The following JMY variants were observed in gnomAD, a reference collection of about 807,000 sequenced individuals.
JMY encodes junction mediating and regulatory protein, p53 cofactor, also known as junction-mediating and -regulatory protein.
Under a neutral mutation model 103.3 loss-of-function variants are expected in JMY, and 46 were observed. The ratio of observed to expected loss-of-function variants is 0.45; its 90% CI spans 0.35 to 0.57. The LOEUF (loss-of-function observed/expected upper bound fraction) is 0.57, where lower values mean the gene tolerates loss of function less well. JMY is among the 20% of genes least tolerant of loss of function. JMY has a pLI of 0.00. For synonymous variants in JMY, 526 were observed against 489.3 expected, an observed-to-expected ratio of 1.07 and a Z score of -0.99; for missense variants, 1,238 against 1,255.2, an observed-to-expected ratio of 0.99 and a Z score of 0.21.
In JMY at chr5:79,300,883, G is replaced by T. The variant is rs1746714929; in HGVS notation, c.1881+20G>T. On this transcript the variant is annotated intron_variant, in intron 6 of 10. Coordinates refer to ENST00000396137, the MANE Select transcript of JMY (RefSeq NM_152405.5). Reference sequence around the variant, plus strand: ...AAAAAGGTATTTAAATATTGCTTTTGTTCATTATTTAGTCTTTTATCCGTA... The same window carrying T: ...AAAAAGGTATTTAAATATTGCTTTTTTTCATTATTTAGTCTTTTATCCGTA... 6.4e-7 allele frequency: 1 copy of T among 1,559,726 alleles called. No individual in the cohort carries two copies. The highest frequency in any genetic ancestry group is 2.0e-5 in the Admixed American group (1 of 50,066).
Position 79,321,766 on chromosome 5 carries a change from A to C in JMY, c.*164A>C, listed in dbSNP as rs902717291. On this transcript the variant is annotated 3_prime_UTR_variant, in exon 11 of 11. Coordinates refer to ENST00000396137, the MANE Select transcript of JMY (RefSeq NM_152405.5). ...CACAATTGGCAGGTTATCACTTTCC[A>C]GTCGTTCCAATAGATGATGGTTAAC... 2.6e-5 allele frequency: 4 copies of C among 152,226 alleles called. No individual in the cohort carries two copies. The highest frequency in any genetic ancestry group is 2.9e-5 in the Non-Finnish European group (2 of 68,042). 9.4% of individuals were successfully genotyped at this position (152,226 alleles called of 1,614,324 possible).
intron 10 of JMY, among the ~76,000 whole-genome samples, chr5:79,321,280 T>G (rs1747440555): frequency 1.3e-5 from 2 of 152,234 alleles, no homozygotes; most frequent in African/African-American, 4.8e-5. Flanking sequence ...CAAAAACAGT[T>G]TCTACTGCAT....
chr5:79,249,363 T>C (rs1561288903), intron 1 of JMY, among the ~76,000 whole-genome samples: 1 of 152,146 alleles, frequency 6.6e-6, no homozygotes, highest in Non-Finnish European at 1.5e-5. Context: ...CACTTGAAAA[T>C]TTCATGGGAA....
At chr5:79,276,676 G>A (rs1347003182) in intron 1 of JMY, among the ~76,000 whole-genome samples, 2 of 151,876 alleles carry the variant, frequency 1.3e-5, no homozygotes, top group African/African-American at 2.4e-5. Flanking sequence ...GCGTGATCTC[G>A]GCTCACTGCA....
intron 4 of JMY, among the ~76,000 whole-genome samples, chr5:79,296,586 T>C (rs974337571): frequency 9.2e-5 from 14 of 152,136 alleles, no homozygotes; most frequent in Middle Eastern, 3.2e-3. Flanking sequence ...GGACTCAGAG[T>C]CCCTACTGTC....
chr5:79,265,632 C>G (rs1745564264), intron 1 of JMY, among the ~76,000 whole-genome samples: 5 of 152,146 alleles, frequency 3.3e-5, no homozygotes, highest in Admixed American at 3.3e-4. Context: ...TTTTCCCCCA[C>G]TCTGTAGATG....
At chr5:79,237,820 C>G in intron 1 of JMY, 138 bp downstream of exon 1, 2 of 697,524 alleles carry the variant, frequency 2.9e-6, no homozygotes, top group Non-Finnish European at 4.7e-6. Flanking sequence ...AGAGGGGTTC[C>G]TGATCTACCT....
At chr5:79,317,698 A>C (rs1580376408) in intron 10 of JMY, among the ~76,000 whole-genome samples, 1 of 152,168 alleles carries the variant, frequency 6.6e-6, no homozygotes, top group African/African-American at 2.4e-5. Context: ...ATTTTTGTTG[A>C]ATTTCTTTTT....
At chr5:79,283,180 G>A (rs934286742) in intron 2 of JMY, among the ~76,000 whole-genome samples, 4 of 151,686 alleles carry the variant, frequency 2.6e-5, no homozygotes, top group Non-Finnish European at 5.9e-5. Flanking sequence ...TTTAGTAGAG[G>A]GGGGTTTCCT....
chr5:79,273,282 A>G (rs1745839268), intron 1 of JMY, among the ~76,000 whole-genome samples: 1 of 152,082 alleles, frequency 6.6e-6, no homozygotes, highest in South Asian at 2.1e-4. Context: ...TTCTTTGTTC[A>G]GGAGGGATAT....
In JMY at chr5:79,323,063, C is replaced by T. The variant is rs552679405; in HGVS notation, c.*1461C>T. 2 of 152,190 alleles carry T rather than the reference C, an allele frequency of 1.3e-5. No individual in the cohort carries two copies. The highest frequency in any genetic ancestry group is 4.8e-5 in the African/African-American group (2 of 41,530). 9.4% of individuals were successfully genotyped at this position (152,190 alleles called of 1,614,324 possible). ...TCTGGCAACAGGTTATGTAAGACAA[C>T]AACTTTTTTTATTATTTCAAAACAA... On this transcript the variant is annotated 3_prime_UTR_variant, in exon 11 of 11. Transcript: ENST00000396137.
rs545942408 is a variant in JMY at position 79,236,655 on chromosome 5, C to G, written c.5C>G (p.Ser2Trp). 3.5e-5 allele frequency: 49 copies of G among 1,417,136 alleles called. No homozygotes were observed. The highest frequency in any genetic ancestry group is 3.8e-5 in the Non-Finnish European group (41 of 1,072,502). The allele number at this position is 1,417,136 out of a possible 1,614,324, so 87.8% of individuals were successfully genotyped here. A position where few individuals can be genotyped will look rare whatever the true frequency, so the allele number is the denominator to read the frequency against. Residue 2 changes from serine to tryptophan, a missense_variant, in exon 1 of 11, where the codon TCG becomes TGG. By Grantham distance (177) the Ser-to-Trp change is radical. Transcript: ENST00000396137. ...CGGCGAGAAGCCGGAGCCACCATGT[C>G]GTTCGCGCTGGAGGAGACGCTCGAG... Reference protein sequence around the residue: MSFALEETLESD... With the variant: MWFALEETLESD...
At chr5:79,242,536 G>A (rs938230061) in intron 1 of JMY, among the ~76,000 whole-genome samples, 3 of 151,936 alleles carry the variant, frequency 2.0e-5, no homozygotes, top group Admixed American at 2.0e-4. Flanking sequence ...CTATTTTACT[G>A]AGGCAGAAAA....
At position 79,236,825 on chromosome 5, in the gene JMY, C is replaced by G; in HGVS notation, c.175C>G (p.Arg59Gly). ...RTAQRQRSGS[R>G]EQAGARGGAE... ...GGCCCAGAGGCAGAGGAGCGGCTCC[C>G]GGGAGCAAGCGGGGGCGCGAGGGGG... is the stretch of plus-strand genomic sequence containing the variant. Residue 59 changes from arginine to glycine, a missense_variant, in exon 1 of 11, where the codon CGG (arginine) becomes GGG (glycine). By Grantham distance (125) the Arg-to-Gly change is moderately radical (BLOSUM62 -2). Coordinates refer to ENST00000396137, the MANE Select transcript of JMY (RefSeq NM_152405.5). The G allele has an allele frequency of 6.8e-7, 1 of 1,464,970 alleles. No homozygotes were observed. The highest frequency in any genetic ancestry group is 9.1e-7 in the Non-Finnish European group (1 of 1,103,486). The allele number at this position is 1,464,970 out of a possible 1,614,324, so 90.7% of individuals were successfully genotyped here. A position where few individuals can be genotyped will look rare whatever the true frequency, so the allele number is the denominator to read the frequency against.
At chr5:79,294,894 T>A (rs1746525594) in intron 4 of JMY, among the ~76,000 whole-genome samples, 1 of 152,136 alleles carries the variant, frequency 6.6e-6, no homozygotes, top group Non-Finnish European at 1.5e-5. Context: ...TGTGCTTTCT[T>A]TCCCTGGCAG....
chr5:79,257,065 A>T (rs1252570857), intron 1 of JMY, among the ~76,000 whole-genome samples: 2 of 146,102 alleles, frequency 1.4e-5, no homozygotes, highest in South Asian at 2.2e-4. Flanking sequence ...TTATTATTTT[A>T]TTTGATTTTA....
intron 6 of JMY, among the ~76,000 whole-genome samples, chr5:79,303,489 G>A (rs1246452713): frequency 2.0e-5 from 3 of 152,170 alleles, no homozygotes; most frequent in African/African-American, 7.2e-5. Flanking sequence ...TTTAATATTT[G>A]TAATTCAGGA....
intron 1 of JMY, among the ~76,000 whole-genome samples, chr5:79,243,055 T>G (rs921988418): frequency 6.6e-6 from 1 of 152,196 alleles, no homozygotes; most frequent in Non-Finnish European, 1.5e-5. Context: ...GGTGCAAGGA[T>G]AGGTTTATGT....
chr5:79,299,685 TC>T (rs1459088287), intron 4 of JMY, among the ~76,000 whole-genome samples: 3 of 152,154 alleles, frequency 2.0e-5, no homozygotes, highest in Admixed American at 6.5e-5. Flanking sequence ...AGTCAGCAGA[TC>T]CCAGAACCTA....
Sources: allele counts gnomAD v4.1 joint callset (sites outside exome capture counted in the v4.1 genomes callset), GRCh38; gene constraint gnomAD v4.1.1; transcripts MANE v1.5; gene names NCBI Gene and HGNC (gene_info 2026-07-23, HGNC 2026-07-21).